GALNT18: variants seen among roughly 807,000 people sequenced by gnomAD.
GALNT18 encodes polypeptide N-acetylgalactosaminyltransferase 18.
Under a neutral mutation model 69.5 loss-of-function variants are expected in GALNT18, and 44 were observed. The observed-to-expected ratio is 0.63, with a 90% confidence interval of 0.50 to 0.81. The LOEUF (loss-of-function observed/expected upper bound fraction) is 0.81. GALNT18 is among the 40% of genes least tolerant of loss of function. The probability of loss-of-function intolerance (pLI) is 0.00; values close to 1 mark genes in which losing one functional copy is unlikely to be tolerated. For synonymous variants in GALNT18, 364 were observed against 318.2 expected (o/e 1.14, Z -1.53); for missense variants, 715 against 810.0 (o/e 0.88, Z 1.42).
At chr11:11,297,761 G>A (rs914268755) in intron 9 of GALNT18, among the ~76,000 whole-genome samples, 4 of 152,132 alleles carry the variant, frequency 2.6e-5, no homozygotes, top group East Asian at 1.9e-4. Flanking sequence ...GCAGAGAAAC[G>A]TCATCCCCGC....
In GALNT18 at chr11:11,601,075, A is replaced by G. The variant is rs1402820170; in HGVS notation, c.235+20284T>C. On this transcript the variant is annotated intron_variant, in intron 1 of 10. Coordinates refer to ENST00000227756, the MANE Select transcript of GALNT18 (RefSeq NM_198516.3). This position sits in a 1 kb window ranked among gnomAD's most constrained non-coding sequence, Gnocchi z 4.0. Reference sequence around the variant, plus strand: ...TAATTTTTTCAGCATAGTTTCCTTTAGTTCTTTGAACAAATATATAATAGC... The same window carrying G: ...TAATTTTTTCAGCATAGTTTCCTTTGGTTCTTTGAACAAATATATAATAGC... Among the ~76,000 whole-genome samples the G allele has an allele frequency of 6.6e-6, 1 of 152,078 alleles. No individual in the cohort carries two copies. Among genetic ancestry groups the G allele is most frequent in the Non-Finnish European group, 1.5e-5 (1 of 67,994 alleles).
At chr11:11,493,304 A>T (rs1188110817) in intron 1 of GALNT18, among the ~76,000 whole-genome samples, 1 of 146,660 alleles carries the variant, frequency 6.8e-6, no homozygotes, top group African/African-American at 2.5e-5. Flanking sequence ...AATTTCTTGG[A>T]CCTCAGTAGG....
chr11:11,431,353 G>A (rs1345998044), intron 3 of GALNT18, among the ~76,000 whole-genome samples: 1 of 152,166 alleles, frequency 6.6e-6, no homozygotes, highest in East Asian at 1.9e-4. Flanking sequence ...GGGAATGGGA[G>A]TTTTCTTAGG....
chr11:11,343,794 T>C (rs550229680), intron 6 of GALNT18, among the ~76,000 whole-genome samples: 1 of 152,308 alleles, frequency 6.6e-6, no homozygotes, highest in East Asian at 1.9e-4. Flanking sequence ...TTACAAGACC[T>C]GCTTCTTAAA....
At chr11:11,519,045 G>A (rs1857340167) in intron 1 of GALNT18, among the ~76,000 whole-genome samples, 1 of 152,156 alleles carries the variant, frequency 6.6e-6, no homozygotes. Context: ...AAAGAAGAAA[G>A]AGCACCCAGT....
At chr11:11,299,969 T>C (rs1330222488) in intron 9 of GALNT18, among the ~76,000 whole-genome samples, 2 of 152,244 alleles carry the variant, frequency 1.3e-5, no homozygotes, top group African/African-American at 4.8e-5. Flanking sequence ...GCAGAAATTC[T>C]GGAGCCCTCA....
intron 6 of GALNT18, among the ~76,000 whole-genome samples, chr11:11,349,078 C>T (rs923829024): frequency 4.6e-5 from 7 of 152,158 alleles, no homozygotes; most frequent in Non-Finnish European, 1.0e-4. Flanking sequence ...TTAGTTTTGC[C>T]TGTTTGTGAA....
At chr11:11,408,944 A>G (rs1157286872) in intron 3 of GALNT18, among the ~76,000 whole-genome samples, 1 of 152,130 alleles carries the variant, frequency 6.6e-6, no homozygotes, top group African/African-American at 2.4e-5. Flanking sequence ...CAGGCTCCAA[A>G]AGGCAAAACA....
At position 11,465,039 on chromosome 11, in the gene GALNT18, TC is replaced by T. The variant is rs1310997291; in HGVS notation, c.236-16104del. 1.3e-5 allele frequency among the ~76,000 whole-genome samples: 2 copies of T among 152,086 alleles called. No homozygotes were observed. The highest frequency in any genetic ancestry group is 2.9e-5 in the Non-Finnish European group (2 of 68,016). ...GGTGGCTGCTTATTATTTCTTGTCT[TC>T]CCCACCAGAGTCAAGTACACAGAGT... On this transcript the variant is annotated intron_variant, in intron 1 of 10. Transcript: ENST00000227756. The surrounding 1 kb of genome is among the most constrained non-coding windows in gnomAD (Gnocchi z 5.7).
intron 10 of GALNT18, among the ~76,000 whole-genome samples, chr11:11,276,768 T>A (rs1848958144): frequency 1.3e-5 from 2 of 152,206 alleles, no homozygotes; most frequent in Non-Finnish European, 2.9e-5. Flanking sequence ...ATTGAAATAA[T>A]CATGTGGTTT....
chr11:11,351,785 A>G (rs994251261), intron 6 of GALNT18, among the ~76,000 whole-genome samples: 2 of 148,986 alleles, frequency 1.3e-5, no homozygotes, highest in African/African-American at 5.1e-5. Flanking sequence ...TCAGCCTATT[A>G]TAATTTTTTT....
chr11:11,551,085 CA>C (rs36037822), intron 1 of GALNT18, among the ~76,000 whole-genome samples: 8,011 of 117,436 alleles, frequency 0.068, 471 homozygotes, highest in African/African-American at 0.21. Context: ...TATACGGTAC[CA>C]AAAAAAAAAA....
intron 1 of GALNT18, among the ~76,000 whole-genome samples, chr11:11,554,374 A>G (rs1565009293): frequency 6.7e-6 from 1 of 149,876 alleles, no homozygotes; most frequent in African/African-American, 2.5e-5. Flanking sequence ...CGTGACGGGG[A>G]GGCACAGGTA....
chr11:11,345,254 C>T (rs1282611018), intron 6 of GALNT18, among the ~76,000 whole-genome samples: 7 of 152,238 alleles, frequency 4.6e-5, no homozygotes, highest in Non-Finnish European at 8.8e-5. Context: ...CTGGGCTTTG[C>T]AGCCAGAAGA....
In GALNT18 at chr11:11,356,312, G is replaced by A. The variant is rs906576383; in HGVS notation, c.1093-15308C>T. ...GGCCTTGCTTGGTGGTCTCTTCCAG[G>A]AAAACTAGAATAACAATGTAATGGT... On this transcript the variant is annotated intron_variant, in intron 6 of 10. Transcript: ENST00000227756. The surrounding 1 kb of genome is among the most constrained non-coding windows in gnomAD (Gnocchi z 4.4). Among the ~76,000 whole-genome samples the A allele has an allele frequency of 2.0e-5, 3 of 152,114 alleles. No homozygotes were observed. Among genetic ancestry groups the A allele is most frequent in the Non-Finnish European group, 4.4e-5 (3 of 68,024 alleles).
rs1857949169 is a variant in GALNT18, at chr11:11,542,363, C to T, written c.235+78996G>A. Among the ~76,000 whole-genome samples the T allele has an allele frequency of 6.6e-6, 1 of 152,190 alleles. No individual in the cohort carries two copies. The highest frequency in any genetic ancestry group is 1.5e-5 in the Non-Finnish European group (1 of 68,028). On this transcript the variant is annotated intron_variant, in intron 1 of 10. Coordinates refer to ENST00000227756, the MANE Select transcript of GALNT18 (RefSeq NM_198516.3). The surrounding 1 kb of genome is among the most constrained non-coding windows in gnomAD (Gnocchi z 4.3). ...ACCATAGCAACCTGGACCTCCTCTC[C>T]AGATCACTCCTACTTCCATGTTGTC...
At chr11:11,316,928 G>A (rs1034416493) in intron 9 of GALNT18, among the ~76,000 whole-genome samples, 3 of 152,180 alleles carry the variant, frequency 2.0e-5, no homozygotes, top group African/African-American at 4.8e-5. Flanking sequence ...AATGCTTGAC[G>A]TAAAATAATA....
chr11:11,560,133 A>G (rs116485124), intron 1 of GALNT18, among the ~76,000 whole-genome samples: 578 of 2,144 alleles, frequency 0.27, 19 homozygotes, highest in Middle Eastern at 0.33. Flanking sequence ...ATGGGATGGG[A>G]TAGAATAGAA....
intron 3 of GALNT18, among the ~76,000 whole-genome samples, chr11:11,408,465 G>A (rs988310806): frequency 6.6e-6 from 1 of 151,664 alleles, no homozygotes; most frequent in African/African-American, 2.4e-5. Context: ...GATTTATGCA[G>A]AGAAGACTCT....
Sources: gnomAD v4.1 joint callset for allele counts (sites outside exome capture counted in the v4.1 genomes callset) on GRCh38, gnomAD v4.1.1 for gene constraint, Gnocchi (gnomAD v3.1) non-coding constraint, MANE v1.5 for transcripts, NCBI Gene and HGNC (gene_info 2026-07-23, HGNC 2026-07-21) for gene names.